Variants in KIF2C observed in about 807,000 individuals in gnomAD.
KIF2C encodes the protein kinesin-like protein KIF2C.
In KIF2C, 34 loss-of-function variants were observed where a neutral mutation model predicts 97.4. That is an observed-to-expected ratio of 0.35 (90% confidence interval 0.27 to 0.46). The LOEUF (loss-of-function observed/expected upper bound fraction) is 0.46. Among genes scored for constraint, KIF2C ranks in the 20% least tolerant of loss-of-function variants. The probability of loss-of-function intolerance (pLI) is 1.00; values close to 1 mark genes in which losing one functional copy is unlikely to be tolerated. For missense variants in KIF2C, 750 were observed against 907.6 expected (o/e 0.83, Z 2.23); for synonymous variants, 313 against 318.2 (o/e 0.98, Z 0.17).
intron 6 of KIF2C, among the ~76,000 whole-genome samples, chr1:44,753,521 T>C (rs1444806595): frequency 6.6e-6 from 1 of 152,232 alleles, no homozygotes; most frequent in Non-Finnish European, 1.5e-5. Flanking sequence ...TGACTTCATA[T>C]TGGCCAGGCC....
intron 19 of KIF2C, among the ~76,000 whole-genome samples, chr1:44,765,793 T>G (rs1650429206): frequency 6.6e-6 from 1 of 152,072 alleles, no homozygotes; most frequent in Admixed American, 6.6e-5. Flanking sequence ...GGCTCACGCC[T>G]GTAATCCTAG....
chr1:44,750,555 T>C lies in KIF2C; in HGVS notation c.430T>C (p.Ser144Pro). 1 of 1,565,156 alleles carries C rather than the reference T, an allele frequency of 6.4e-7. No homozygotes were observed. Among genetic ancestry groups the C allele is most frequent in the Non-Finnish European group, 8.7e-7 (1 of 1,151,714 alleles). ...PAAANSRKQF[S>P]VPPAPTRPSC... ...AGCTGCAAACTCCCGCAAGCAGTTT[T>C]CAGTTCCTCGTGAGTAACGAATGTG... The change falls in exon 5 of 21, where the codon TCA becomes CCA. Residue 144 changes from serine to proline, a missense_variant. Ser to Pro is a moderately conservative substitution (Grantham distance 74). Coordinates refer to ENST00000372224, the MANE Select transcript of KIF2C (RefSeq NM_006845.4).
At chr1:44,742,098 G>GTTTT (rs1377194944) in intron 2 of KIF2C, among the ~76,000 whole-genome samples, 1 of 151,012 alleles carries the variant, frequency 6.6e-6, no homozygotes, top group Admixed American at 6.6e-5. Context: ...AATTTTCTGG[G>GTTTT]TTTTTTTTGT....
At chr1:44,752,423 C>T (rs1165589818) in intron 5 of KIF2C, among the ~76,000 whole-genome samples, 5 of 152,012 alleles carry the variant, frequency 3.3e-5, no homozygotes, top group South Asian at 2.1e-4. Context: ...CGTGAGCCAC[C>T]GTGCCCGGCT....
intron 19 of KIF2C, among the ~76,000 whole-genome samples, chr1:44,766,177 G>C (rs1000155121): frequency 1.6e-4 from 25 of 152,106 alleles, no homozygotes; most frequent in Non-Finnish European, 3.5e-4. Context: ...AGTGAGCCAG[G>C]ATCGCACACC....
At chr1:44,749,082 A>C (rs528385886) in intron 4 of KIF2C, among the ~76,000 whole-genome samples, 1 of 152,266 alleles carries the variant, frequency 6.6e-6, no homozygotes, top group African/African-American at 2.4e-5. Flanking sequence ...AGATCACCTG[A>C]GGTCAGGAGT....
intron 6 of KIF2C, 27 bp downstream of exon 6, chr1:44,753,281 C>T (rs777451009): frequency 6.3e-7 from 1 of 1,596,626 alleles, no homozygotes; most frequent in Non-Finnish European, 8.6e-7. Flanking sequence ...GTCTGCTGTT[C>T]TGCTTCTAGT....
chr1:44,741,035 C>A, intron 2 of KIF2C, 28 bp downstream of exon 2: 1 of 1,500,630 alleles, frequency 6.7e-7, no homozygotes, highest in Non-Finnish European at 9.3e-7. Flanking sequence ...TCCTCTACCA[C>A]ATTTAATGTC....
At chr1:44,758,324 C>A (rs1649950744) in intron 13 of KIF2C, among the ~76,000 whole-genome samples, 184 bp downstream of exon 13, 1 of 152,148 alleles carries the variant, frequency 6.6e-6, no homozygotes, top group Non-Finnish European at 1.5e-5. Context: ...CACCTAAGTT[C>A]AAGAAGTATG....
In KIF2C at chr1:44,753,719, TTA is replaced by T. The variant is rs1491413047; in HGVS notation, c.563-12_563-11del. Reference sequence around the variant, plus strand: ...GGCTTCCTTTTTTTTTCTTTTTTTTTTATGTTTTCATAGTTCGGAGGAAATCA... The same window carrying T: ...GGCTTCCTTTTTTTTTCTTTTTTTTTTGTTTTCATAGTTCGGAGGAAATCA... On this transcript the variant is annotated splice_polypyrimidine_tract_variant and intron_variant, in intron 6 of 20. Transcript: ENST00000372224. 105 of 1,555,782 alleles carry T rather than the reference TTA, an allele frequency of 6.7e-5. No homozygotes were observed. Among genetic ancestry groups the T allele is most frequent in the Non-Finnish European group, 9.0e-5 (103 of 1,147,804 alleles).
At chr1:44,753,068 G>A in intron 5 of KIF2C, 64 bp from the exon 6 acceptor site, 2 of 1,549,212 alleles carry the variant, frequency 1.3e-6, no homozygotes, top group Middle Eastern at 2.4e-4. Flanking sequence ...CCAGGGCCAT[G>A]GGCTCAGGTG....
At chr1:44,759,077 A>T in intron 13 of KIF2C, 129 bp from the exon 14 acceptor site, 1 of 1,159,586 alleles carries the variant, frequency 8.6e-7, no homozygotes, top group East Asian at 2.4e-5. Context: ...GCTGACATCC[A>T]TCAGTTCGTA....
At chr1:44,756,741 A>G (rs1649861616) in intron 10 of KIF2C, among the ~76,000 whole-genome samples, 1 of 150,064 alleles carries the variant, frequency 6.7e-6, no homozygotes, top group African/African-American at 2.5e-5. Flanking sequence ...TAGTAGAAAC[A>G]GGGTTTCGCC....
intron 2 of KIF2C, chr1:44,746,301 G>C (rs1649193231): frequency 1.1e-6 from 1 of 898,748 alleles, no homozygotes; most frequent in African/African-American, 1.8e-5. Context: ...AAGCTATCCT[G>C]GTGAAGTTTG....
intron 2 of KIF2C, among the ~76,000 whole-genome samples, chr1:44,745,276 G>C (rs1573551283): frequency 6.6e-6 from 1 of 151,646 alleles, no homozygotes; most frequent in Non-Finnish European, 1.5e-5. Context: ...TGTACCAAGA[G>C]TCTGTGGCTG....
chr1:44,765,458 T>G (rs1650407368), intron 19 of KIF2C, among the ~76,000 whole-genome samples: 1 of 141,888 alleles, frequency 7.0e-6, no homozygotes, highest in Non-Finnish European at 1.5e-5. Context: ...TAAAGTATAA[T>G]AATAAAAAAA....
At chr1:44,762,079 C>T in intron 17 of KIF2C, 96 bp downstream of exon 17, 1 of 1,088,694 alleles carries the variant, frequency 9.2e-7, no homozygotes, top group Non-Finnish European at 1.4e-6. Flanking sequence ...TCAGGGCCTA[C>T]TGTATACTCC....
chr1:44,759,011 G>T lies in KIF2C; in HGVS notation c.1225-195G>T, dbSNP rs149462621. 3.1e-4 allele frequency: 194 copies of T among 624,004 alleles called. 1 individual carries two copies. The highest frequency in any genetic ancestry group is 2.2e-4 in the Non-Finnish European group (80 of 364,032). The allele number at this position is 624,004 out of a possible 1,614,324, so 38.7% of individuals were successfully genotyped here. ...CTCACACAGCTAGTAAGTTACCAGA[G>T]TCACAGCAAACTGAGGCAGTTCGGC... On this transcript the variant is annotated intron_variant, in intron 13 of 20. Coordinates refer to ENST00000372224, the MANE Select transcript of KIF2C (RefSeq NM_006845.4).
At position 44,739,971 on chromosome 1, in the gene KIF2C, C is replaced by G; in HGVS notation, c.39C>G (p.Pro13=). The G allele has an allele frequency of 1.2e-6, 2 of 1,614,230 alleles. No individual in the cohort carries two copies. Among genetic ancestry groups the G allele is most frequent in the South Asian group, 2.2e-5 (2 of 91,084 alleles). The change falls in exon 1 of 21, where the codon CCC becomes CCG. Residue 13 remains proline, a synonymous_variant. Transcript: ENST00000372224. ...MDSSLQARLF[P]GLAIKIQRSN... ...CGTCGCTTCAGGCCCGCCTGTTTCC[C>G]GGTCTCGCTATCAAGATCCAACGCA...
Sources: allele counts gnomAD v4.1 joint callset (sites outside exome capture counted in the v4.1 genomes callset), GRCh38; gene constraint gnomAD v4.1.1; transcripts MANE v1.5; gene names NCBI Gene and HGNC (gene_info 2026-07-23, HGNC 2026-07-21).